Variants in OSBPL2 observed in about 807,000 individuals in gnomAD.
OSBPL2 encodes oxysterol-binding protein-related protein 2.
OSBPL2 carries 18 observed loss-of-function variants against 58.4 expected under a neutral mutation model. The ratio of observed to expected loss-of-function variants is 0.31; its 90% CI spans 0.21 to 0.46. OSBPL2 has a LOEUF of 0.46. Ranked by LOEUF, OSBPL2 falls within the 20% of genes least tolerant of loss-of-function variation. OSBPL2 has a pLI of 1.00. For missense variants in OSBPL2, 461 were observed against 616.5 expected, an observed-to-expected ratio of 0.75 and a Z score of 2.67; for synonymous variants, 221 against 234.1, an observed-to-expected ratio of 0.94 and a Z score of 0.51.
chr20:62,255,803 C>A (rs891976580), intron 1 of OSBPL2, among the ~76,000 whole-genome samples: 1 of 152,258 alleles, frequency 6.6e-6, no homozygotes, highest in South Asian at 2.1e-4. Flanking sequence ...CCATGCCCAG[C>A]CAATAATGCT....
Position 62,279,289 on chromosome 20 carries a change from C to G in OSBPL2, c.624C>G (p.Gly208=). ...TCTACCCCAAGCTCAAGTTCTGGGG[C>G]AAAAGCGTGGAGGCGGAGCCCCGAG... The part of the protein sequence containing the change: ...GSIYPKLKFW[G]KSVEAEPRGT... Residue 208 remains glycine, a synonymous_variant, in exon 7 of 14, where the codon GGC becomes GGG. Coordinates refer to ENST00000313733, the MANE Select transcript of OSBPL2 (RefSeq NM_144498.4). 1.2e-6 allele frequency: 2 copies of G among 1,614,232 alleles called. No homozygotes were observed. The highest frequency in any genetic ancestry group is 1.6e-4 in the Middle Eastern group (1 of 6,062).
chr20:62,281,481 C>T, intron 8 of OSBPL2: 1 of 501,646 alleles, frequency 2.0e-6, no homozygotes, highest in Non-Finnish European at 3.6e-6. Flanking sequence ...GGCTTGAATG[C>T]CCTATTCCTG....
In OSBPL2 at chr20:62,261,804, C is replaced by T. The variant is rs1471331945; in HGVS notation, c.182+1679C>T. Among the ~76,000 whole-genome samples, 6 of 152,280 alleles carry T rather than the reference C, an allele frequency of 3.9e-5. 1 individual carries two copies. The highest frequency in any genetic ancestry group is 4.1e-4 in the South Asian group (2 of 4,828). ...TGTTTGAGACGGAGTCTCACTCTGT[C>T]GCCCAGGCTGGAGTTCAGTGGCGTG... On this transcript the variant is annotated intron_variant, in intron 3 of 13. Coordinates refer to ENST00000313733, the MANE Select transcript of OSBPL2 (RefSeq NM_144498.4).
At chr20:62,281,615 A>G (rs1982790322) in intron 8 of OSBPL2, 175 bp from the exon 9 acceptor site, 3 of 563,942 alleles carry the variant, frequency 5.3e-6, no homozygotes, top group Admixed American at 3.0e-5. Context: ...CGAATCATGG[A>G]GCCGTCCCCA....
At position 62,293,945 on chromosome 20, in the gene OSBPL2, G is replaced by A. The variant is rs1264186487; in HGVS notation, c.*58G>A. Reference sequence around the variant, plus strand: ...GGCTGACGAGGCTGGACTTCCTCGAGTGGCCACTGTGAGCCTCGTCACAGC... The same window carrying A: ...GGCTGACGAGGCTGGACTTCCTCGAATGGCCACTGTGAGCCTCGTCACAGC... On this transcript the variant is annotated 3_prime_UTR_variant, in exon 14 of 14. Coordinates refer to ENST00000313733, the MANE Select transcript of OSBPL2 (RefSeq NM_144498.4). 2 of 1,586,734 alleles carry A rather than the reference G, an allele frequency of 1.3e-6. No individual in the cohort carries two copies. Among genetic ancestry groups the A allele is most frequent in the Non-Finnish European group, 1.7e-6 (2 of 1,168,180 alleles).
intron 1 of OSBPL2, among the ~76,000 whole-genome samples, chr20:62,246,675 G>T (rs2145914872): frequency 6.6e-6 from 1 of 152,264 alleles, no homozygotes; most frequent in African/African-American, 2.4e-5. Context: ...GGGCTTAGAA[G>T]GTGCTGGGTG....
intron 13 of OSBPL2, among the ~76,000 whole-genome samples, chr20:62,293,545 C>T (rs751065571): frequency 6.6e-6 from 1 of 152,214 alleles, no homozygotes; most frequent in Non-Finnish European, 1.5e-5. Context: ...TTGAGTTAAA[C>T]CCTCAAGATT....
Position 62,294,025 on chromosome 20 carries a change from A to G in OSBPL2, c.*138A>G. ...GCGGAGATAGCATCATCCCTGATCA[A>G]GGATGTAATTCTAATTAACTGTTGA... On this transcript the variant is annotated 3_prime_UTR_variant, in exon 14 of 14. Coordinates refer to ENST00000313733, the MANE Select transcript of OSBPL2 (RefSeq NM_144498.4). 2 of 1,142,960 alleles carry G rather than the reference A, an allele frequency of 1.7e-6. No individual in the cohort carries two copies. Among genetic ancestry groups the G allele is most frequent in the Non-Finnish European group, 2.4e-6 (2 of 834,316 alleles). 70.8% of individuals were successfully genotyped at this position (1,142,960 alleles called of 1,614,324 possible). A position where few individuals can be genotyped will look rare whatever the true frequency, so the allele number is the denominator to read the frequency against.
intron 1 of OSBPL2, among the ~76,000 whole-genome samples, chr20:62,247,603 G>A (rs1216250710): frequency 6.6e-6 from 1 of 152,188 alleles, no homozygotes; most frequent in Non-Finnish European, 1.5e-5. Context: ...GGAGGAGGCA[G>A]GAGGAGGAGC....
At chr20:62,264,159 G>A (rs970909499) in intron 4 of OSBPL2, among the ~76,000 whole-genome samples, 30 of 152,154 alleles carry the variant, frequency 2.0e-4, no homozygotes, top group African/African-American at 7.0e-4. Context: ...GCAAGTCAGG[G>A]GAAGAGGTGT....
chr20:62,252,932 C>G (rs1227825193), intron 1 of OSBPL2, among the ~76,000 whole-genome samples: 2 of 152,248 alleles, frequency 1.3e-5, no homozygotes, highest in African/African-American at 4.8e-5. Context: ...TCCCATGGCT[C>G]AAACACCTCC....
At chr20:62,280,990 G>C in intron 7 of OSBPL2, 68 bp from the exon 8 acceptor site, 1 of 1,270,914 alleles carries the variant, frequency 7.9e-7, no homozygotes, top group Non-Finnish European at 1.2e-6. Context: ...CCTGGTCGTT[G>C]CGTCTTGGGT....
At chr20:62,271,864 G>A (rs1453366028) in intron 4 of OSBPL2, 1 of 418,538 alleles carries the variant, frequency 2.4e-6, no homozygotes, top group Non-Finnish European at 4.3e-6. Flanking sequence ...GCGGTGGGCT[G>A]GGGAGGCAGA....
chr20:62,261,239 C>A (rs1981281252), intron 3 of OSBPL2, among the ~76,000 whole-genome samples: 1 of 151,008 alleles, frequency 6.6e-6, no homozygotes, highest in African/African-American at 2.4e-5. Context: ...TCACTTGAAC[C>A]CGGGAGGCAG....
chr20:62,246,845 C>G (rs1054388878), intron 1 of OSBPL2, among the ~76,000 whole-genome samples: 3 of 152,200 alleles, frequency 2.0e-5, no homozygotes, highest in African/African-American at 7.2e-5. Context: ...AGCCTTGATC[C>G]GGGAGACCTT....
At chr20:62,276,474 T>C (rs1982393725) in intron 6 of OSBPL2, among the ~76,000 whole-genome samples, 1 of 152,240 alleles carries the variant, frequency 6.6e-6, no homozygotes, top group Admixed American at 6.5e-5. Flanking sequence ...AATCTGTTCC[T>C]GGCTCATCCT....
intron 11 of OSBPL2, 34 bp downstream of exon 11, chr20:62,286,745 T>A (rs1983156282): frequency 2.5e-6 from 4 of 1,589,578 alleles, no homozygotes; most frequent in Non-Finnish European, 3.4e-6. Flanking sequence ...CGTCTCTGCC[T>A]GCTCATGTCA....
At position 62,289,923 on chromosome 20, in the gene OSBPL2, C is replaced by A. The variant is rs141039237; in HGVS notation, c.1249+593C>A. ...CTGCCTCACAAACAAACAACAACAA[C>A]AAAAAACACAAACAAAAAACAAAGT... On this transcript the variant is annotated intron_variant, in intron 12 of 13. Transcript: ENST00000313733. Among the ~76,000 whole-genome samples the A allele has an allele frequency of 4.3e-3, 648 of 152,132 alleles. 18 individuals are homozygous for A. The highest frequency in any genetic ancestry group is 0.037 in the Admixed American group (568 of 15,280).
intron 4 of OSBPL2, among the ~76,000 whole-genome samples, chr20:62,266,534 T>C (rs912281130): frequency 6.6e-6 from 1 of 151,640 alleles, no homozygotes; most frequent in Non-Finnish European, 1.5e-5. Flanking sequence ...GTTCTGGATC[T>C]GCAGTGATTG....
Sources: allele counts gnomAD v4.1 joint callset (sites outside exome capture counted in the v4.1 genomes callset), GRCh38; gene constraint gnomAD v4.1.1; transcripts MANE v1.5; gene names NCBI Gene and HGNC (gene_info 2026-07-23, HGNC 2026-07-21).